The following ALKBH3 variants were observed in gnomAD, a reference collection of about 807,000 sequenced individuals.
ALKBH3 encodes alpha-ketoglutarate-dependent dioxygenase alkB homolog 3.
Under a neutral mutation model 43.9 loss-of-function variants are expected in ALKBH3, and 51 were observed. That is an observed-to-expected ratio of 1.16 (90% CI 0.93 to 1.47). ALKBH3 has a LOEUF of 1.47. Ranked by LOEUF, ALKBH3 falls within the 40% of genes most tolerant of loss-of-function variation. The probability of loss-of-function intolerance (pLI) is 0.00; values close to 1 mark genes in which losing one functional copy is unlikely to be tolerated. For synonymous variants in ALKBH3, 102 were observed against 115.2 expected, an observed-to-expected ratio of 0.89 and a Z score of 0.73; for missense variants, 361 against 351.9, an observed-to-expected ratio of 1.03 and a Z score of -0.21.
intron 7 of ALKBH3, chr11:43,898,862 T>C (rs550035646): frequency 9.7e-5 from 74 of 762,278 alleles, no homozygotes; most frequent in Non-Finnish European, 1.4e-4. Context: ...CTGGATTACA[T>C]TGATAGATTA....
chr11:43,901,390 G>T, intron 7 of ALKBH3, 126 bp from the exon 8 acceptor site: 1 of 971,708 alleles, frequency 1.0e-6, no homozygotes, highest in Non-Finnish European at 1.5e-6. Context: ...ATTCCATGTG[G>T]TTTGCTTATT....
chr11:43,908,787 A>G (rs1441593903), intron 8 of ALKBH3, among the ~76,000 whole-genome samples: 1 of 152,214 alleles, frequency 6.6e-6, no homozygotes, highest in Non-Finnish European at 1.5e-5. Flanking sequence ...AATTTCATTG[A>G]CATTTCAATG....
At chr11:43,897,941 T>C (rs2135188477) in intron 7 of ALKBH3, 1 of 783,386 alleles carries the variant, frequency 1.3e-6, no homozygotes, top group Middle Eastern at 2.3e-4. Context: ...CTTCGCCATT[T>C]AGAAGGAGGC....
At chr11:43,913,846 C>T (rs1451123956) in intron 8 of ALKBH3, among the ~76,000 whole-genome samples, 1 of 152,186 alleles carries the variant, frequency 6.6e-6, no homozygotes, top group East Asian at 1.9e-4. Context: ...GTTTAAATTG[C>T]CCAGTGTTTT....
At chr11:43,902,699 C>T (rs1230704425) in intron 8 of ALKBH3, among the ~76,000 whole-genome samples, 1 of 152,218 alleles carries the variant, frequency 6.6e-6, no homozygotes, top group African/African-American at 2.4e-5. Context: ...CCAGTTCAAG[C>T]GATTCACTTG....
In ALKBH3 at chr11:43,883,992, A is replaced by T. The variant is rs747590636; in HGVS notation, c.193A>T (p.Arg65Ter). The change falls in exon 4 of 10, where the codon AGA becomes TGA. Residue 65 changes from arginine to a stop codon, truncating the protein, a stop_gained. Transcript: ENST00000302708. LOFTEE classifies it high-confidence loss of function. ...VFKEPQQVVR[R>*]APEPRVIDRE... ...GCCTATTTCCTTGCAGGTAGTACGTAGAGCTCCTGAGCCACGAGTGATTGA... is the reference window on the plus strand; with the variant it reads ...GCCTATTTCCTTGCAGGTAGTACGTTGAGCTCCTGAGCCACGAGTGATTGA... 62 of 1,612,704 alleles carry T rather than the reference A, an allele frequency of 3.8e-5. No individual in the cohort carries two copies. The highest frequency in any genetic ancestry group is 5.1e-5 in the Non-Finnish European group (60 of 1,178,900).
At chr11:43,897,035 G>C (rs1245969925) in intron 7 of ALKBH3, among the ~76,000 whole-genome samples, 4 of 151,988 alleles carry the variant, frequency 2.6e-5, no homozygotes, top group African/African-American at 9.7e-5. Context: ...TTGAACTCCT[G>C]GGCTCAAGCG....
intron 7 of ALKBH3, chr11:43,897,613 A>G (rs1406230955): frequency 4.6e-6 from 4 of 878,760 alleles, no homozygotes; most frequent in African/African-American, 1.6e-5. Context: ...GGGGCTGTTC[A>G]TGTCATTGAA....
At chr11:43,900,519 G>T (rs1951855672) in intron 7 of ALKBH3, among the ~76,000 whole-genome samples, 1 of 152,044 alleles carries the variant, frequency 6.6e-6, no homozygotes, top group African/African-American at 2.4e-5. Context: ...ATGTTGCCTG[G>T]CCTGTCCTTG....
intron 8 of ALKBH3, among the ~76,000 whole-genome samples, chr11:43,914,321 C>A (rs1042444250): frequency 6.6e-6 from 1 of 152,190 alleles, no homozygotes; most frequent in Non-Finnish European, 1.5e-5. Flanking sequence ...GATAATATCA[C>A]CTTCCTTGCC....
At chr11:43,902,342 G>T (rs989259599) in intron 8 of ALKBH3, among the ~76,000 whole-genome samples, 1 of 152,082 alleles carries the variant, frequency 6.6e-6, no homozygotes, top group Admixed American at 6.5e-5. Flanking sequence ...AATTAATAAC[G>T]ATATAATAAC....
In ALKBH3 at chr11:43,884,305, C is replaced by T. The variant is rs149509489; in HGVS notation, c.218+288C>T. 4.6e-3 allele frequency among the ~76,000 whole-genome samples: 698 copies of T among 151,758 alleles called. 7 individuals carry two copies. The highest frequency in any genetic ancestry group is 0.016 in the African/African-American group (665 of 41,326). ...TCTGTAGACAGTAAGCTAAACCTCT[C>T]AGGCAAAGACAGAGAGGGATTTTTC... On this transcript the variant is annotated intron_variant, in intron 4 of 9. Transcript: ENST00000302708.
intron 8 of ALKBH3, among the ~76,000 whole-genome samples, chr11:43,903,494 C>T (rs961490258): frequency 5.3e-5 from 8 of 152,152 alleles, no homozygotes; most frequent in South Asian, 2.1e-4. Flanking sequence ...GTCCTGAGAC[C>T]GGGGGCCGTA....
intron 8 of ALKBH3, among the ~76,000 whole-genome samples, chr11:43,911,559 T>C (rs1260818261): frequency 6.6e-6 from 1 of 152,246 alleles, no homozygotes; most frequent in Non-Finnish European, 1.5e-5. Context: ...ATAACCGCAA[T>C]AGTAAAACGC....
chr11:43,899,235 G>A (rs1951842913), intron 7 of ALKBH3: 7 of 742,272 alleles, frequency 9.4e-6, no homozygotes, highest in Non-Finnish European at 1.5e-5. Context: ...CGTGACTACA[G>A]CATGGTGGAA....
intron 2 of ALKBH3, 32 bp downstream of exon 2, chr11:43,882,763 G>T (rs1951720781): frequency 6.4e-7 from 1 of 1,573,554 alleles, no homozygotes; most frequent in Admixed American, 1.9e-5. Context: ...GTGTGTGTGT[G>T]GATATGGACA....
At chr11:43,887,995 C>T (rs1313747458) in intron 5 of ALKBH3, among the ~76,000 whole-genome samples, 3 of 149,782 alleles carry the variant, frequency 2.0e-5, no homozygotes, top group Non-Finnish European at 4.4e-5. Flanking sequence ...GACGAGGTTT[C>T]ACCGTGTTAT....
In ALKBH3 at chr11:43,882,695, G is replaced by A. The variant is rs1385747578; in HGVS notation, c.43G>A (p.Ala15Thr). The A allele has an allele frequency of 3.7e-6, 6 of 1,613,584 alleles. No homozygotes were observed. The highest frequency in any genetic ancestry group is 5.1e-6 in the Non-Finnish European group (6 of 1,179,826). The change falls in exon 2 of 10, where the codon GCT (alanine) becomes ACT (threonine). Residue 15 changes from alanine to threonine, a missense_variant. Ala to Thr is a moderately conservative substitution (Grantham distance 58). Transcript: ENST00000302708. ...GCGAGCCCGAGTTCAGGGAGCCTGG[G>A]CTGCCCCTGTTAAAAGCCAGGCCAT... is the stretch of plus-strand genomic sequence containing the variant. ...RRRARVQGAW[A>T]APVKSQAIAQ...
intron 5 of ALKBH3, 89 bp from the exon 6 acceptor site, chr11:43,889,636 T>C: frequency 9.3e-7 from 1 of 1,080,510 alleles, no homozygotes; most frequent in African/African-American, 1.5e-5. Context: ...CATTAGAGGC[T>C]GCATCCAGAT....
Sources: allele counts gnomAD v4.1 joint callset (sites outside exome capture counted in the v4.1 genomes callset), GRCh38; gene constraint gnomAD v4.1.1; transcripts MANE v1.5; gene names NCBI Gene and HGNC (gene_info 2026-07-23, HGNC 2026-07-21).